Variants in ZMYM6 observed in about 807,000 individuals in gnomAD.
The protein encoded by ZMYM6 is zinc finger MYM-type containing 6.
Under a neutral mutation model 134.0 loss-of-function variants are expected in ZMYM6, and 90 were observed. That is an observed-to-expected ratio of 0.67 (90% confidence interval 0.57 to 0.80). The LOEUF (loss-of-function observed/expected upper bound fraction) is 0.80, where lower values mean the gene tolerates loss of function less well. Ranked by LOEUF, ZMYM6 falls within the 30% of genes least tolerant of loss-of-function variation. ZMYM6 has a pLI of 0.00. For missense variants in ZMYM6, 1,362 were observed against 1,533.9 expected (o/e 0.89, Z 1.87); for synonymous variants, 481 against 524.1 (o/e 0.92, Z 1.12).
intron 14 of ZMYM6, among the ~76,000 whole-genome samples, chr1:34,993,906 C>CA (rs1388108664): frequency 1.3e-5 from 2 of 151,650 alleles, no homozygotes; most frequent in Non-Finnish European, 2.9e-5. Context: ...AGGATGGTCT[C>CA]AATCTCCTGA....
chr1:34,999,662 G>A (rs1041060433), intron 14 of ZMYM6, among the ~76,000 whole-genome samples: 1 of 152,026 alleles, frequency 6.6e-6, no homozygotes, highest in African/African-American at 2.4e-5. Flanking sequence ...AGAAATATAA[G>A]CAAACCTACT....
intron 14 of ZMYM6, among the ~76,000 whole-genome samples, chr1:34,994,070 G>A (rs1311246215): frequency 3.1e-4 from 47 of 151,546 alleles, no homozygotes; most frequent in Non-Finnish European, 6.6e-4. Context: ...GCAAACAACA[G>A]AGTGGAGGAA....
intron 14 of ZMYM6, among the ~76,000 whole-genome samples, chr1:34,999,299 G>GAAC (rs1271213731): frequency 6.6e-6 from 1 of 152,168 alleles, no homozygotes. Context: ...ATATTGACAA[G>GAAC]AACAGTTTCA....
intron 2 of ZMYM6, among the ~76,000 whole-genome samples, chr1:35,022,050 T>C (rs1308671884): frequency 6.6e-6 from 1 of 152,214 alleles, no homozygotes; most frequent in Admixed American, 6.5e-5. Flanking sequence ...CCAAAGTTAC[T>C]TTAGAAATTT....
chr1:34,994,806 TTC>T (rs1640746104), intron 14 of ZMYM6, among the ~76,000 whole-genome samples: 1 of 151,682 alleles, frequency 6.6e-6, no homozygotes, highest in African/African-American at 2.4e-5. Flanking sequence ...TGTTCCCAGT[TTC>T]TTATACAGTT....
intron 6 of ZMYM6, among the ~76,000 whole-genome samples, chr1:35,014,096 C>T (rs1178109053): frequency 1.3e-5 from 2 of 152,174 alleles, no homozygotes; most frequent in African/African-American, 4.8e-5. Flanking sequence ...TTATTCATTA[C>T]AATAAATAAA....
intron 4 of ZMYM6, chr1:35,017,366 A>G (rs1270775480): frequency 6.6e-6 from 1 of 152,254 alleles, no homozygotes; most frequent in African/African-American, 2.4e-5. Flanking sequence ...TTGAAAAGTG[A>G]TTTTTCTACT....
Position 34,988,745 on chromosome 1 carries a change from G to A in ZMYM6, c.2337C>T (p.Asn779=). Residue 779 remains asparagine, a synonymous_variant, in exon 16 of 16, where the codon AAC becomes AAT. Coordinates refer to ENST00000357182, the MANE Select transcript of ZMYM6 (RefSeq NM_007167.4). ...VICGEILSSE[N]MKPANLSHHL... ...GATGAGAAAGATTTGCTGGCTTCAT[G>A]TTTTCACTGGATAAGATCTCTCCAC... 1.3e-6 allele frequency: 2 copies of A among 1,551,500 alleles called. No homozygotes were observed. The highest frequency in any genetic ancestry group is 1.2e-5 in the South Asian group (1 of 84,016).
intron 2 of ZMYM6, among the ~76,000 whole-genome samples, chr1:35,026,656 TAA>T (rs1357349619): frequency 6.6e-6 from 1 of 152,232 alleles, no homozygotes; most frequent in Admixed American, 6.5e-5. Flanking sequence ...CATTATTTGT[TAA>T]GTGTATAGGC....
At chr1:35,019,163 C>A in intron 4 of ZMYM6, 190 bp downstream of exon 4, 1 of 771,740 alleles carries the variant, frequency 1.3e-6, no homozygotes, top group Non-Finnish European at 2.0e-6. Flanking sequence ...CTGGTTTAGG[C>A]AATATTCTAA....
rs1399890596 is a variant in ZMYM6 at position 35,005,287 on chromosome 1, A to T, written c.1814-15T>A. On this transcript the variant is annotated splice_polypyrimidine_tract_variant and intron_variant, in intron 12 of 15. Coordinates refer to ENST00000357182, the MANE Select transcript of ZMYM6 (RefSeq NM_007167.4). The stretch of plus-strand genomic sequence containing the variant: ...AGAAATATTTACTGATTAAAATAAA[A>T]AGTTAAGATCTGGAATAAGCAAAAG... 6.2e-7 allele frequency: 1 copy of T among 1,612,670 alleles called. No homozygotes were observed. The highest frequency in any genetic ancestry group is 8.5e-7 in the Non-Finnish European group (1 of 1,179,326).
At position 34,987,278 on chromosome 1, in the gene ZMYM6, A is replaced by C. The variant is rs753598539; in HGVS notation, c.3804T>G (p.His1268Gln). The C allele has an allele frequency of 6.2e-7, 1 of 1,613,270 alleles. No homozygotes were observed. The highest frequency in any genetic ancestry group is 8.5e-7 in the Non-Finnish European group (1 of 1,179,670). ...INAKTSYPELHERAMKFLLPF... is the reference protein window; with the variant it reads ...INAKTSYPELQERAMKFLLPF... The stretch of plus-strand genomic sequence containing the variant: ...GTAATAAAAATTTCATTGCCCTTTC[A>C]TGGAGTTCTGGGTAACTTGTCTTTG... The change falls in exon 16 of 16, where the codon CAT (histidine) becomes CAG (glutamine). Residue 1268 changes from histidine (H) to glutamine (Q), a missense_variant. Coordinates refer to ENST00000357182, the MANE Select transcript of ZMYM6 (RefSeq NM_007167.4).
At chr1:35,007,152 A>T (rs1640996431) in intron 11 of ZMYM6, 54 bp from the exon 12 acceptor site, 9 of 1,522,654 alleles carry the variant, frequency 5.9e-6, no homozygotes, top group Non-Finnish European at 7.1e-6. Context: ...TAATGAAAAG[A>T]TAACATTAAT....
At chr1:34,989,146 T>G (rs1367437829) in intron 15 of ZMYM6, 1 of 1,345,534 alleles carries the variant, frequency 7.4e-7, no homozygotes, top group Non-Finnish European at 9.5e-7. Context: ...TCACTAGGTA[T>G]AATAAAACTG....
intron 14 of ZMYM6, among the ~76,000 whole-genome samples, chr1:35,001,111 CT>C (rs1640872956): frequency 6.6e-6 from 1 of 152,132 alleles, no homozygotes; most frequent in African/African-American, 2.4e-5. Context: ...ACTATCTAGA[CT>C]TTTATAGAAA....
At position 35,014,897 on chromosome 1, in the gene ZMYM6, T is replaced by G. The variant is rs550246194; in HGVS notation, c.604-9A>C. 5 of 1,613,638 alleles carry G rather than the reference T, an allele frequency of 3.1e-6. No individual in the cohort carries two copies. In the Admixed American group the frequency reaches 6.7e-5, roughly 22 times the overall value. ...TTAACTTCAAATCGAGTCTAGGAAA[T>G]AAACACACACATACACACACAAAAT... On this transcript the variant is annotated splice_polypyrimidine_tract_variant and intron_variant, in intron 5 of 15. Coordinates refer to ENST00000357182, the MANE Select transcript of ZMYM6 (RefSeq NM_007167.4).
rs1469043222 is a variant in ZMYM6, at chr1:34,988,761, A to C, written c.2321T>G (p.Ile774Ser). 1 of 1,551,636 alleles carries C rather than the reference A, an allele frequency of 6.4e-7. No individual in the cohort carries two copies. The highest frequency in any genetic ancestry group is 1.2e-5 in the South Asian group (1 of 84,038). ...PRPQCVICGE[I>S]LSSENMKPAN... ...TGGCTTCATGTTTTCACTGGATAAG[A>C]TCTCTCCACAAATGACACACTGTGG... Residue 774 changes from isoleucine to serine, a missense_variant, in exon 16 of 16, where the codon ATC becomes AGC. Physicochemically the swap from Ile to Ser is moderately radical, Grantham distance 142. Transcript: ENST00000357182.
At chr1:35,012,285 A>C (rs1032944603) in intron 7 of ZMYM6, 146 bp downstream of exon 7, 3 of 790,164 alleles carry the variant, frequency 3.8e-6, no homozygotes, top group Non-Finnish European at 5.6e-6. Context: ...AACTATTTTC[A>C]CATAAAAGTC....
intron 3 of ZMYM6, among the ~76,000 whole-genome samples, 182 bp from the exon 4 acceptor site, chr1:35,019,784 C>T (rs1641272611): frequency 6.6e-6 from 1 of 151,994 alleles, no homozygotes; most frequent in African/African-American, 2.4e-5. Context: ...CCAGTCCTCC[C>T]GCCTCAGCCT....
Sources: gnomAD v4.1 joint callset for allele counts (sites outside exome capture counted in the v4.1 genomes callset) on GRCh38, gnomAD v4.1.1 for gene constraint, MANE v1.5 for transcripts, NCBI Gene and HGNC (gene_info 2026-07-23, HGNC 2026-07-21) for gene names.